Variants in CES4A observed in about 807,000 individuals in gnomAD.
CES4A encodes carboxylesterase 6.
In CES4A, 48 loss-of-function variants were observed where a neutral mutation model predicts 65.4. The observed-to-expected ratio is 0.73, with a 90% CI of 0.58 to 0.93. CES4A has a LOEUF of 0.93. Among genes scored for constraint, CES4A ranks in the 40% least tolerant of loss-of-function variants. CES4A has a pLI of 0.00. For missense variants in CES4A, 685 were observed against 728.5 expected (o/e 0.94, Z 0.69); for synonymous variants, 247 against 281.8 (o/e 0.88, Z 1.24).
chr16:66,990,838 T>C (rs955418858), intron 1 of CES4A, among the ~76,000 whole-genome samples: 5 of 152,280 alleles, frequency 3.3e-5, no homozygotes, highest in African/African-American at 1.2e-4. Flanking sequence ...TGTAGTTACA[T>C]TGGCCTTGCT....
At chr16:66,992,367 G>A (rs1964462738) in intron 1 of CES4A, among the ~76,000 whole-genome samples, 1 of 152,202 alleles carries the variant, frequency 6.6e-6, no homozygotes, top group Admixed American at 6.6e-5. Context: ...TGGGGGCATG[G>A]GCAGAGAGGC....
At chr16:66,996,584 G>A (rs1170900874) in intron 2 of CES4A, among the ~76,000 whole-genome samples, 1 of 152,160 alleles carries the variant, frequency 6.6e-6, no homozygotes, top group South Asian at 2.1e-4. Flanking sequence ...CAGAACAAGT[G>A]TATTTACTGT....
chr16:67,009,160 G>C (rs761178698), exon 14 of CES4A: 1 of 1,606,000 alleles, frequency 6.2e-7, no homozygotes, highest in South Asian at 1.1e-5. Context: ...TATGCAGGAA[G>C]GAGCCAAAGA....
At chr16:67,006,989 GT>G (rs766472606) in intron 13 of CES4A, 172 bp downstream of exon 13, 7 of 601,496 alleles carry the variant, frequency 1.2e-5, no homozygotes, top group Non-Finnish European at 2.1e-5. Context: ...GATCCTAAAC[GT>G]CTCTAGAATG....
At chr16:66,990,485 T>G (rs1464932583) in intron 1 of CES4A, among the ~76,000 whole-genome samples, 1 of 152,076 alleles carries the variant, frequency 6.6e-6, no homozygotes, top group Non-Finnish European at 1.5e-5. Context: ...TTGCTTAAGC[T>G]CAGGAGTTCA....
In CES4A at chr16:67,003,318, G is replaced by T; in HGVS notation, c.858G>T (p.Arg286Ser). 1.2e-6 allele frequency: 2 copies of T among 1,614,122 alleles called. No individual in the cohort carries two copies. The highest frequency in any genetic ancestry group is 1.7e-6 in the Non-Finnish European group (2 of 1,180,044). ...CACAGATCCTGGTAAACTGCCTGAG[G>T]GCACTATCAGGGACCAAGGTGATGC... The change falls in exon 7 of 14, where the codon AGG (arginine) becomes AGT (serine). Residue 286 changes from arginine (R) to serine (S), a missense_variant. By Grantham distance (110) the Arg-to-Ser change is moderately radical (BLOSUM62 -1). Coordinates refer to ENST00000648724, the Ensembl canonical transcript of CES4A. This position sits in a 1 kb window ranked among gnomAD's most constrained non-coding sequence, Gnocchi z 4.2.
At chr16:66,999,790 G>A (rs904122673) in intron 2 of CES4A, among the ~76,000 whole-genome samples, 2 of 152,196 alleles carry the variant, frequency 1.3e-5, no homozygotes, top group African/African-American at 2.4e-5. Flanking sequence ...AACAGAGCAA[G>A]ACTCTGTCTC....
chr16:67,007,211 T>G, intron 13 of CES4A: 1 of 179,190 alleles, frequency 5.6e-6, no homozygotes. Flanking sequence ...CACAAGGCAC[T>G]TTGAGAGCAT....
intron 2 of CES4A, among the ~76,000 whole-genome samples, chr16:66,997,342 G>C (rs1257162707): frequency 6.6e-6 from 1 of 152,122 alleles, no homozygotes; most frequent in East Asian, 1.9e-4. Flanking sequence ...CAAAACAATG[G>C]CTGTTTGGAA....
Position 67,005,455 on chromosome 16 carries a change from C to A in CES4A, c.1315+62C>A. The A allele has an allele frequency of 2.0e-6, 3 of 1,529,092 alleles. 1 individual carries two copies. The South Asian group carries it at 3.5e-5, about 18-fold the overall frequency. 94.7% of individuals were successfully genotyped at this position (1,529,092 alleles called of 1,614,324 possible). A position where few individuals can be genotyped will look rare whatever the true frequency, so the allele number is the denominator to read the frequency against. On this transcript the variant is annotated intron_variant, in intron 11 of 13. Coordinates refer to ENST00000648724, the Ensembl canonical transcript of CES4A. ...GTCCACTCTCCAGGTGTGCTGTTTA[C>A]CAACTGGGCTTATCGACTGCTCCCC... is the stretch of plus-strand genomic sequence containing the variant.
At chr16:67,002,830 A>G (rs978468012) in intron 5 of CES4A, among the ~76,000 whole-genome samples, 9 of 151,962 alleles carry the variant, frequency 5.9e-5, no homozygotes, top group African/African-American at 2.2e-4. Flanking sequence ...ACACCAGCAG[A>G]TTCCCTCCCC....
chr16:66,995,603 T>C (rs538562443), intron 1 of CES4A, 25 bp from the exon 2 acceptor site: 6 of 1,602,780 alleles, frequency 3.7e-6, no homozygotes, highest in Non-Finnish European at 5.1e-6. Flanking sequence ...TGAGCAGAGG[T>C]GACCCTTTTC....
chr16:67,007,787 A>AT (rs1358258213), intron 13 of CES4A: 6,295 of 139,042 alleles, frequency 0.045, 211 homozygotes, highest in East Asian at 0.19. Flanking sequence ...TGCCCGTCTA[A>AT]TTTTTTTTTT....
Position 67,000,634 on chromosome 16 carries a change from G to T in CES4A, c.261-4G>T. 6.5e-7 allele frequency: 1 copy of T among 1,542,960 alleles called. No individual in the cohort carries two copies. The highest frequency in any genetic ancestry group is 1.2e-5 in the South Asian group (1 of 83,744). On this transcript the variant is annotated splice_polypyrimidine_tract_variant and splice_region_variant and intron_variant, in intron 2 of 13. Coordinates refer to ENST00000648724, the Ensembl canonical transcript of CES4A. The surrounding 1 kb of genome is among the most constrained non-coding windows in gnomAD (Gnocchi z 4.2). ...CGGCCGCCGCCGCTACCTGGTGCCC[G>T]CAGGTGCCTGCAGGAGTCCTGGGGC...
intron 2 of CES4A, chr16:66,996,270 C>T (rs754325719): frequency 8.4e-5 from 28 of 332,594 alleles, no homozygotes; most frequent in Admixed American, 6.7e-4. Flanking sequence ...CTCTTGACCT[C>T]GTGATCCACA....
intron 1 of CES4A, among the ~76,000 whole-genome samples, chr16:66,989,107 C>T (rs1964172230): frequency 6.6e-6 from 1 of 152,104 alleles, no homozygotes; most frequent in African/African-American, 2.4e-5. Flanking sequence ...TTCTTCCTTC[C>T]CACCTTTTTC....
At position 67,004,644 on chromosome 16, in the gene CES4A, G is replaced by C. The variant is rs1965612884; in HGVS notation, c.1081-149G>C. 3.0e-5 allele frequency: 20 copies of C among 664,186 alleles called. 1 individual carries two copies. In the South Asian group the frequency reaches 3.6e-4, roughly 12 times the overall value. The allele number at this position is 664,186 out of a possible 1,614,324, so 41.1% of individuals were successfully genotyped here. ...GAGCAGGATGGGAGCAGGGGGACAA[G>C]AGAGAGTCATGGGCCCTTCCTGGGC... On this transcript the variant is annotated intron_variant, in intron 9 of 13. Transcript: ENST00000648724.
Position 67,004,232 on chromosome 16 carries a change from A to C in CES4A, c.1080+8A>C, listed in dbSNP as rs1965573686. The C allele has an allele frequency of 6.2e-7, 1 of 1,613,886 alleles. No homozygotes were observed. The highest frequency in any genetic ancestry group is 8.5e-7 in the Non-Finnish European group (1 of 1,179,916). ...AATTGGCTCTTGCCTTATGTAAGTGAGTAGGAGTTCAATTGGCTCTTGCCT... is the reference window on the plus strand; with the variant it reads ...AATTGGCTCTTGCCTTATGTAAGTGCGTAGGAGTTCAATTGGCTCTTGCCT... On this transcript the variant is annotated splice_region_variant and intron_variant, in intron 9 of 13. Transcript: ENST00000648724.
At chr16:67,009,056 G>T (rs1965990190) in exon 14 of CES4A, 1 of 1,614,132 alleles carries the variant, frequency 6.2e-7, no homozygotes, top group South Asian at 1.1e-5. Context: ...TACCACAAGA[G>T]TGGGCATGAA....
Sources: allele counts gnomAD v4.1 joint callset (sites outside exome capture counted in the v4.1 genomes callset), GRCh38; gene constraint gnomAD v4.1.1; non-coding constraint Gnocchi (gnomAD v3.1); transcripts MANE v1.5; gene names NCBI Gene and HGNC (gene_info 2026-07-23, HGNC 2026-07-21).